Variants in CDH13 observed in about 807,000 individuals in gnomAD.
The protein encoded by CDH13 is cadherin 13, also known as cadherin-13.
A neutral mutation model predicts 63.8 loss-of-function variants in CDH13; 24 were observed. The ratio of observed to expected loss-of-function variants is 0.38; its 90% confidence interval spans 0.27 to 0.53. The LOEUF is 0.53. CDH13 is among the 20% of genes least tolerant of loss of function. The probability of loss-of-function intolerance (pLI) is 0.85; values close to 1 mark genes in which losing one functional copy is unlikely to be tolerated. For missense variants in CDH13, 1,049 were observed against 903.1 expected, an observed-to-expected ratio of 1.16 and a Z score of -2.07; for synonymous variants, 503 against 355.3, an observed-to-expected ratio of 1.42 and a Z score of -4.67.
chr16:83,652,900 C>A (rs1339434799), intron 8 of CDH13, among the ~76,000 whole-genome samples: 1 of 152,150 alleles, frequency 6.6e-6, no homozygotes, highest in Non-Finnish European at 1.5e-5. Context: ...GAAACAGTTC[C>A]AGGTCCATCA....
intron 7 of CDH13, among the ~76,000 whole-genome samples, chr16:83,584,511 C>A (rs898384712): frequency 6.6e-6 from 1 of 152,140 alleles, no homozygotes; most frequent in African/African-American, 2.4e-5. Context: ...GAGAAAGTGA[C>A]CCCTGAGGCG....
chr16:83,591,587 G>A (rs1906757961), intron 7 of CDH13, among the ~76,000 whole-genome samples: 1 of 152,142 alleles, frequency 6.6e-6, no homozygotes, highest in Admixed American at 6.5e-5. Flanking sequence ...GTTGCAGCCT[G>A]ATGTCTCCAC....
chr16:83,064,791 A>G (rs2031861064), intron 3 of CDH13, among the ~76,000 whole-genome samples: 1 of 152,222 alleles, frequency 6.6e-6, no homozygotes, highest in African/African-American at 2.4e-5. Context: ...ATACATGTAT[A>G]AAATGGTATA....
At chr16:83,426,847 G>A (rs1242971852) in intron 6 of CDH13, among the ~76,000 whole-genome samples, 1 of 145,786 alleles carries the variant, frequency 6.9e-6, no homozygotes, top group African/African-American at 2.5e-5. Context: ...GGTGATCACA[G>A]TAATGGCCCC....
intron 2 of CDH13, chr16:82,925,990 A>G (rs1191438261): frequency 6.6e-6 from 1 of 152,220 alleles, no homozygotes; most frequent in Non-Finnish European, 1.5e-5. Context: ...TCTGATCAAC[A>G]CAGGATAACC....
chr16:82,837,660 A>G (rs2038825807), intron 1 of CDH13, among the ~76,000 whole-genome samples: 1 of 152,218 alleles, frequency 6.6e-6, no homozygotes, highest in Non-Finnish European at 1.5e-5. Context: ...ATATGGTGAC[A>G]CCGTGTGTGA....
chr16:82,968,306 C>T (rs537366329), intron 2 of CDH13, among the ~76,000 whole-genome samples: 1 of 152,314 alleles, frequency 6.6e-6, no homozygotes, highest in African/African-American at 2.4e-5. Context: ...CACCTTCCAC[C>T]TTCATGTCCT....
At chr16:83,666,138 A>G (rs1274538218) in intron 8 of CDH13, among the ~76,000 whole-genome samples, 1 of 152,248 alleles carries the variant, frequency 6.6e-6, no homozygotes, top group East Asian at 1.9e-4. Context: ...AGTACAATCA[A>G]TAATTCCTCC....
At chr16:82,887,169 C>T (rs1030081396) in intron 2 of CDH13, among the ~76,000 whole-genome samples, 6 of 152,114 alleles carry the variant, frequency 3.9e-5, no homozygotes, top group Admixed American at 3.9e-4. Context: ...CACCAATGGT[C>T]TAGGACAGAG....
intron 10 of CDH13, chr16:83,721,250 T>C (rs1354432587): frequency 2.0e-5 from 3 of 152,216 alleles, no homozygotes; most frequent in African/African-American, 7.2e-5. Context: ...ACACTGCCTG[T>C]GTCCTCCAAA....
intron 3 of CDH13, among the ~76,000 whole-genome samples, chr16:83,113,837 G>C (rs1045517965): frequency 2.0e-5 from 3 of 152,204 alleles, no homozygotes; most frequent in African/African-American, 7.2e-5. Flanking sequence ...CAGGAGGACA[G>C]TGATAGCACT....
chr16:83,078,855 C>T lies in CDH13; in HGVS notation c.367-46530C>T, dbSNP rs963303946. ...GTCAGCCCGGGCTGGAGTGCAATGG[C>T]GAGATCTTGGCTCACTGCAACCTCC... On this transcript the variant is annotated intron_variant, in intron 3 of 13. Transcript: ENST00000567109. Among the ~76,000 whole-genome samples, 2 of 152,044 alleles carry T rather than the reference C, an allele frequency of 1.3e-5. 1 individual carries two copies. The highest frequency in any genetic ancestry group is 1.3e-4 in the Admixed American group (2 of 15,258).
chr16:82,746,283 TG>T (rs1421526720), intron 1 of CDH13, among the ~76,000 whole-genome samples: 1 of 143,268 alleles, frequency 7.0e-6, no homozygotes, highest in Non-Finnish European at 1.6e-5. Context: ...ACACACTGTA[TG>T]TATGATGCAT....
At chr16:83,584,933 A>C (rs1486925735) in intron 7 of CDH13, among the ~76,000 whole-genome samples, 1 of 152,128 alleles carries the variant, frequency 6.6e-6, no homozygotes, top group Non-Finnish European at 1.5e-5. Flanking sequence ...TTAAACAACC[A>C]GGTCTTAGGA....
chr16:83,692,722 T>C (rs1946242276), intron 10 of CDH13, among the ~76,000 whole-genome samples: 1 of 152,192 alleles, frequency 6.6e-6, no homozygotes, highest in South Asian at 2.1e-4. Context: ...AGGCTGTCTC[T>C]AGAAACTACC....
chr16:83,800,518 C>T lies in CDH13; in HGVS notation c.*5488C>T, dbSNP rs1245166061. On this transcript the variant is annotated 3_prime_UTR_variant, in exon 14 of 14. Coordinates refer to ENST00000567109, the MANE Select transcript of CDH13 (RefSeq NM_001257.5). The stretch of plus-strand genomic sequence containing the variant: ...TATGGCAGATGTCGCTCCTTTGGGC[C>T]CTCACTGCTGAATTGCTTACAGTTT... The T allele has an allele frequency of 6.6e-6, 1 of 152,150 alleles. No homozygotes were observed. The highest frequency in any genetic ancestry group is 6.6e-5 in the Admixed American group (1 of 15,260). The allele number at this position is 152,150 out of a possible 1,614,324, so 9.4% of individuals were successfully genotyped here.
chr16:83,120,956 G>A (rs534331744), intron 3 of CDH13, among the ~76,000 whole-genome samples: 2 of 152,068 alleles, frequency 1.3e-5, no homozygotes, highest in East Asian at 3.9e-4. Context: ...TAGAGACGGG[G>A]TTTCACCTTG....
chr16:82,888,818 CTG>C (rs2040980325), intron 2 of CDH13, among the ~76,000 whole-genome samples: 1 of 152,186 alleles, frequency 6.6e-6, no homozygotes, highest in African/African-American at 2.4e-5. Context: ...CCATTTGCCT[CTG>C]TCTTCTAGAT....
chr16:83,051,749 C>G (rs2151505986), intron 3 of CDH13, among the ~76,000 whole-genome samples: 1 of 152,256 alleles, frequency 6.6e-6, no homozygotes, highest in East Asian at 1.9e-4. Flanking sequence ...CCCTGTAACT[C>G]TAGTTATGAC....
Sources: gnomAD v4.1 joint callset for allele counts (sites outside exome capture counted in the v4.1 genomes callset) on GRCh38, gnomAD v4.1.1 for gene constraint, MANE v1.5 for transcripts, NCBI Gene and HGNC (gene_info 2026-07-23, HGNC 2026-07-21) for gene names.